The following ERAP1 variants were observed in gnomAD, a reference collection of about 807,000 sequenced individuals.
The protein encoded by ERAP1 is endoplasmic reticulum aminopeptidase 1.
ERAP1 carries 86 observed loss-of-function variants against 103.7 expected under a neutral mutation model. The ratio of observed to expected loss-of-function variants is 0.83; its 90% CI spans 0.70 to 0.99. The LOEUF is 0.99. ERAP1 is among the 50% of genes least tolerant of loss of function. ERAP1 has a pLI of 0.00. For synonymous variants in ERAP1, 398 were observed against 402.4 expected (o/e 0.99, Z 0.13); for missense variants, 1,009 against 1,128.4 (o/e 0.89, Z 1.52).
chr5:96,854,216 A>G, the ERAP1 span, among the ~76,000 whole-genome samples: 1 of 152,244 alleles, frequency 6.6e-6, no homozygotes, highest in Non-Finnish European at 1.5e-5. Context: ...TGAGAATCAA[A>G]TGAGATGATC....
intron 7 of ERAP1, 145 bp from the exon 8 acceptor site, chr5:96,792,337 CAAAAT>C (rs1038596243): frequency 2.9e-5 from 20 of 695,406 alleles, no homozygotes; most frequent in Non-Finnish European, 3.9e-5. Context: ...ATTTATGAAA[CAAAAT>C]AGAATTAATA....
chr5:96,794,176 T>G (rs1777069448), intron 5 of ERAP1, among the ~76,000 whole-genome samples: 1 of 99,912 alleles, frequency 1.0e-5, no homozygotes, highest in South Asian at 3.4e-4. Flanking sequence ...CAGGCCTTTT[T>G]TTTTTTTTTT....
downstream of ERAP1, chr5:96,770,519 C>A (rs995569430): frequency 5.0e-6 from 8 of 1,598,196 alleles, no homozygotes; most frequent in South Asian, 1.1e-5. Flanking sequence ...CATTACATTT[C>A]CTTTGCTTTA....
chr5:96,935,812 C>G, the ERAP1 span: 1 of 321,306 alleles, frequency 3.1e-6, no homozygotes, highest in Non-Finnish European at 5.8e-6. Context: ...TGTTGAGTGA[C>G]TGAACACCGT....
the ERAP1 span, among the ~76,000 whole-genome samples, chr5:96,838,391 G>A: frequency 6.6e-6 from 1 of 152,110 alleles, no homozygotes; most frequent in Admixed American, 6.5e-5. Flanking sequence ...AGTCTACATT[G>A]GAAAATACAC....
the ERAP1 span, among the ~76,000 whole-genome samples, chr5:96,902,114 G>T: frequency 2.6e-5 from 4 of 152,186 alleles, no homozygotes; most frequent in Non-Finnish European, 5.9e-5. Context: ...CATACTTAAG[G>T]ATATGCTAGT....
chr5:96,804,368 G>T, intron 1 of ERAP1: 1 of 294,282 alleles, frequency 3.4e-6, no homozygotes, highest in Non-Finnish European at 6.6e-6. Flanking sequence ...AGGAACATCT[G>T]ATCAAGCACC....
chr5:96,872,335 CAA>C, the ERAP1 span, among the ~76,000 whole-genome samples: 12,708 of 127,362 alleles, frequency 0.1, 602 homozygotes, highest in Non-Finnish European at 0.13. Flanking sequence ...GACCCTGTCT[CAA>C]AAAAAAAAAA....
the ERAP1 span, chr5:96,873,784 G>T: frequency 4.7e-6 from 1 of 212,962 alleles, no homozygotes; most frequent in Non-Finnish European, 9.7e-6. Flanking sequence ...TCTATACTGG[G>T]CACTCAGCAG....
the ERAP1 span, among the ~76,000 whole-genome samples, chr5:96,816,662 C>A: frequency 6.6e-6 from 1 of 152,114 alleles, no homozygotes; most frequent in African/African-American, 2.4e-5. Flanking sequence ...CTTTGGTCAA[C>A]CTTAGGCATG....
chr5:96,928,246 AC>A, the ERAP1 span, among the ~76,000 whole-genome samples: 1 of 152,116 alleles, frequency 6.6e-6, no homozygotes, highest in African/African-American at 2.4e-5. Flanking sequence ...CTTATCTTCA[AC>A]CTTATTTCCA....
At chr5:96,910,184 G>T in the ERAP1 span, 5 of 159,180 alleles carry the variant, frequency 3.1e-5, no homozygotes, top group Non-Finnish European at 6.9e-5. Flanking sequence ...AGAATTGCTT[G>T]AACCTGGGAA....
the ERAP1 span, among the ~76,000 whole-genome samples, chr5:96,874,484 GT>G: frequency 6.6e-6 from 1 of 152,216 alleles, no homozygotes; most frequent in Non-Finnish European, 1.5e-5. Context: ...GCCCTGCAGA[GT>G]TAGAGTCCGT....
chr5:96,793,767 GTTTATAC>G (rs1776998221), intron 6 of ERAP1, 29 bp downstream of exon 6: 21 of 1,567,060 alleles, frequency 1.3e-5, no homozygotes, highest in Non-Finnish European at 1.8e-5. Flanking sequence ...TATAAATGTA[GTTTATAC>G]TTTATTAAAA....
the ERAP1 span, among the ~76,000 whole-genome samples, chr5:96,818,493 T>C: frequency 6.6e-6 from 1 of 152,044 alleles, no homozygotes; most frequent in East Asian, 1.9e-4. Flanking sequence ...AATGGCTAAG[T>C]TCCCGCTATG....
At chr5:96,800,656 T>C (rs1169141940) in intron 3 of ERAP1, among the ~76,000 whole-genome samples, 10 of 152,236 alleles carry the variant, frequency 6.6e-5, no homozygotes. Context: ...GTTACTGAAA[T>C]CTTGCATTTT....
the ERAP1 span, among the ~76,000 whole-genome samples, chr5:96,829,191 G>A: frequency 6.6e-6 from 1 of 152,084 alleles, no homozygotes; most frequent in African/African-American, 2.4e-5. Context: ...AGTCCCCTAG[G>A]GTCCCAGTCC....
the ERAP1 span, chr5:96,917,378 C>A: frequency 1.4e-6 from 2 of 1,380,816 alleles, no homozygotes; most frequent in Non-Finnish European, 9.9e-7. Flanking sequence ...ACCTTGGCCT[C>A]CCGAAGTGCT....
chr5:96,844,522 C>G, the ERAP1 span, among the ~76,000 whole-genome samples: 2 of 152,158 alleles, frequency 1.3e-5, no homozygotes, highest in Admixed American at 6.5e-5. Flanking sequence ...ATAATATGGT[C>G]GCTCGTTAAT....
Sources: gnomAD v4.1 joint callset for allele counts (sites outside exome capture counted in the v4.1 genomes callset) on GRCh38, gnomAD v4.1.1 for gene constraint, MANE v1.5 for transcripts, NCBI Gene and HGNC (gene_info 2026-07-23, HGNC 2026-07-21) for gene names.